HPN: variants seen among roughly 807,000 people sequenced by gnomAD.
HPN encodes hepsin.
In HPN, 13 loss-of-function variants were observed where a neutral mutation model predicts 55.9. The observed-to-expected ratio is 0.23, with a 90% CI of 0.15 to 0.37. HPN has a LOEUF of 0.37. HPN is among the 10% of genes least tolerant of loss of function. HPN has a pLI of 1.00. For synonymous variants in HPN, 225 were observed against 240.3 expected, an observed-to-expected ratio of 0.94 and a Z score of 0.59; for missense variants, 451 against 575.8, an observed-to-expected ratio of 0.78 and a Z score of 2.22.
Position 35,059,518 on chromosome 19 carries a change from C to T in HPN, c.161-155C>T, listed in dbSNP as rs1057209561. 7 of 915,500 alleles carry T rather than the reference C, an allele frequency of 7.6e-6. No homozygotes were observed. The African/African-American group carries it at 1.1e-4, about 15-fold the overall frequency. The allele number at this position is 915,500 out of a possible 1,614,324, so 56.7% of individuals were successfully genotyped here. ...AGTCCTTGAGTCATGATTCCAGATGCAATCGCAGATGTGGGGGCTGCAACC... is the reference window on the plus strand; with the variant it reads ...AGTCCTTGAGTCATGATTCCAGATGTAATCGCAGATGTGGGGGCTGCAACC... On this transcript the variant is annotated intron_variant, in intron 4 of 12. Coordinates refer to ENST00000672452, the MANE Select transcript of HPN (RefSeq NM_001384133.1).
chr19:35,049,404 C>T lies in HPN; in HGVS notation c.118+13C>T, dbSNP rs1359787656. 1.9e-6 allele frequency: 3 copies of T among 1,608,950 alleles called. No individual in the cohort carries two copies. Among genetic ancestry groups the T allele is most frequent in the Non-Finnish European group, 2.5e-6 (3 of 1,177,002 alleles). On this transcript the variant is annotated intron_variant, in intron 3 of 12. Coordinates refer to ENST00000672452, the MANE Select transcript of HPN (RefSeq NM_001384133.1). ...TCCTGGGCCATTGGTGAGAGCGGTT[C>T]CTGTGCCTCTGACCTCCCCTGGCCC...
intron 4 of HPN, among the ~76,000 whole-genome samples, chr19:35,052,589 T>TG (rs1415664181): frequency 1.3e-5 from 2 of 149,280 alleles, no homozygotes; most frequent in African/African-American, 5.0e-5. Flanking sequence ...GCCAGCACAG[T>TG]GGACATTGGC....
chr19:35,051,455 A>G (rs576399626), intron 4 of HPN, among the ~76,000 whole-genome samples: 2 of 152,290 alleles, frequency 1.3e-5, no homozygotes, highest in South Asian at 4.1e-4. Context: ...TACATTGCCC[A>G]GTCTGATCTT....
At chr19:35,046,134 T>C (rs1207141775) in intron 2 of HPN, among the ~76,000 whole-genome samples, 1 of 152,126 alleles carries the variant, frequency 6.6e-6, no homozygotes, top group Non-Finnish European at 1.5e-5. Context: ...TGAGAACCCC[T>C]CGCAGGACAG....
At position 35,065,566 on chromosome 19, in the gene HPN, C is replaced by T; in HGVS notation, c.935C>T (p.Ala312Val). The T allele has an allele frequency of 6.2e-7, 1 of 1,614,148 alleles. No homozygotes were observed. Among genetic ancestry groups the T allele is most frequent in the Non-Finnish European group, 8.5e-7 (1 of 1,180,030 alleles). ...YGQQAGVLQE[A>V]RVPIISNDVC... ...CAACAGGCCGGGGTACTCCAGGAGGCTCGAGTCCCCATAATCAGCAATGAT... is the reference window on the plus strand; with the variant it reads ...CAACAGGCCGGGGTACTCCAGGAGGTTCGAGTCCCCATAATCAGCAATGAT... Residue 312 changes from alanine to valine, a missense_variant, in exon 11 of 13, where the codon GCT (alanine) becomes GTT (valine). Physicochemically the swap from Ala to Val is moderately conservative, Grantham distance 64. Transcript: ENST00000672452.
chr19:35,055,377 G>C (rs1344253227), intron 4 of HPN, among the ~76,000 whole-genome samples: 1 of 147,060 alleles, frequency 6.8e-6, no homozygotes, highest in Admixed American at 7.0e-5. Context: ...AGCCTGGGTG[G>C]TGGAGCGAGA....
chr19:35,049,504 C>T lies in HPN; in HGVS notation c.148C>T (p.Pro50Ser), dbSNP rs1420654077. The change falls in exon 4 of 13, where the codon CCG becomes TCG. Residue 50 changes from proline to serine, a missense_variant. Coordinates refer to ENST00000672452, the MANE Select transcript of HPN (RefSeq NM_001384133.1). ...TGTTCTCCTCAGGAGTGACCAGGAG[C>T]CGCTGTACCCAGGTGAGTGGAGCAG... ...VAVLLRSDQE[P>S]LYPVQVSSAD... is the part of the protein sequence containing the mutation. 1.2e-6 allele frequency: 2 copies of T among 1,603,572 alleles called. No individual in the cohort carries two copies. The highest frequency in any genetic ancestry group is 1.7e-6 in the Non-Finnish European group (2 of 1,174,812).
Position 35,060,741 on chromosome 19 carries a change from C to G in HPN, c.735C>G (p.Pro245=), listed in dbSNP as rs781175775. 1.1e-5 allele frequency: 17 copies of G among 1,613,850 alleles called. No individual in the cohort carries two copies. The highest frequency in any genetic ancestry group is 1.7e-5 in the Admixed American group (1 of 59,972). The part of the protein sequence containing the change: ...QAVVYHGGYL[P]FRDPNSEENS... The stretch of plus-strand genomic sequence containing the variant: ...TGGTCTACCACGGGGGCTATCTTCC[C>G]TTTCGGGACCCCAACAGCGAGGAGA... The change falls in exon 9 of 13, where the codon CCC becomes CCG. Residue 245 remains proline (P), a synonymous_variant. Coordinates refer to ENST00000672452, the MANE Select transcript of HPN (RefSeq NM_001384133.1).
At chr19:35,055,908 G>T (rs1409086213) in intron 4 of HPN, among the ~76,000 whole-genome samples, 1 of 152,046 alleles carries the variant, frequency 6.6e-6, no homozygotes, top group Admixed American at 6.6e-5. Flanking sequence ...TCAGGTCAGG[G>T]CCCTCCCCTG....
intron 4 of HPN, among the ~76,000 whole-genome samples, chr19:35,051,942 C>G (rs941846926): frequency 3.3e-5 from 5 of 152,186 alleles, no homozygotes; most frequent in Admixed American, 2.6e-4. Context: ...GATAAAATCC[C>G]AACCCATCAC....
intron 11 of HPN, 92 bp downstream of exon 11, chr19:35,065,773 C>T (rs577568256): frequency 1.9e-6 from 3 of 1,596,368 alleles, no homozygotes; most frequent in East Asian, 4.5e-5. Flanking sequence ...CATCTAAAAG[C>T]CTGAGGGCTC....
intron 2 of HPN, among the ~76,000 whole-genome samples, chr19:35,047,551 T>A (rs2064353820): frequency 6.6e-6 from 1 of 152,116 alleles, no homozygotes; most frequent in Non-Finnish European, 1.5e-5. Context: ...TGTCTCCCAC[T>A]CCCCACCTAC....
chr19:35,041,892 G>A lies in HPN; in HGVS notation c.-55+20G>A, dbSNP rs1447439242. 7.5e-7 allele frequency: 1 copy of A among 1,331,240 alleles called. No homozygotes were observed. The highest frequency in any genetic ancestry group is 4.9e-5 in the East Asian group (1 of 20,386). The allele number at this position is 1,331,240 out of a possible 1,614,324, so 82.5% of individuals were successfully genotyped here. A position where few individuals can be genotyped will look rare whatever the true frequency, so the allele number is the denominator to read the frequency against. On this transcript the variant is annotated intron_variant, in intron 1 of 12. Coordinates refer to ENST00000672452, the MANE Select transcript of HPN (RefSeq NM_001384133.1). ...CCCAGGGTAAGGACAAGGGCCCCCA[G>A]ACTCACAGTTCCAGCCCTGAGGACA...
At chr19:35,065,807 C>T (rs1028746028) in intron 11 of HPN, 61 bp from the exon 12 acceptor site, 33 of 1,516,452 alleles carry the variant, frequency 2.2e-5, no homozygotes, top group African/African-American at 1.9e-4. Context: ...CATGTCATCC[C>T]GGGGTGGGCC....
intron 1 of HPN, 135 bp from the exon 2 acceptor site, chr19:35,042,318 G>A (rs753689964): frequency 2.0e-4 from 284 of 1,405,372 alleles, no homozygotes; most frequent in Non-Finnish European, 2.5e-4. Flanking sequence ...CCCAATCTGC[G>A]TCCGTGATCA....
chr19:35,042,539 G>C lies in HPN; in HGVS notation c.16+17G>C. On this transcript the variant is annotated intron_variant, in intron 2 of 12. Coordinates refer to ENST00000672452, the MANE Select transcript of HPN (RefSeq NM_001384133.1). ...AGAAGGAGGGTGAGTCCCCTTCCCT[G>C]AGCCCCAGCTTTGGCTCTGCCTGGC... The C allele has an allele frequency of 3.7e-6, 6 of 1,604,666 alleles. No individual in the cohort carries two copies. The highest frequency in any genetic ancestry group is 5.1e-6 in the Non-Finnish European group (6 of 1,174,918).
At chr19:35,056,684 C>G (rs2151762027) in intron 4 of HPN, among the ~76,000 whole-genome samples, 1 of 152,296 alleles carries the variant, frequency 6.6e-6, no homozygotes, top group African/African-American at 2.4e-5. Context: ...ATCTGTCTCC[C>G]TATCCCCTAT....
At chr19:35,055,239 A>T (rs112844295) in intron 4 of HPN, among the ~76,000 whole-genome samples, 1 of 152,090 alleles carries the variant, frequency 6.6e-6, no homozygotes, top group South Asian at 2.1e-4. Flanking sequence ...ACATAAAAAA[A>T]TAAACAAATT....
rs1290046647 is a variant in HPN at position 35,059,732 on chromosome 19, C to A, written c.220C>A (p.Arg74=). The A allele has an allele frequency of 2.5e-6, 4 of 1,596,236 alleles. No individual in the cohort carries two copies. The highest frequency in any genetic ancestry group is 2.6e-6 in the Non-Finnish European group (3 of 1,172,248). The change falls in exon 5 of 13, where the codon CGG becomes AGG. Residue 74 remains arginine (R), a synonymous_variant. Transcript: ENST00000672452. ...MVFDKTEGTW[R]LLCSSRSNAR... Reference sequence around the variant, plus strand: ...CTTTGACAAGACGGAAGGGACGTGGCGGCTGCTGTGCTCCTCGCGCTCCAA... The same window carrying A: ...CTTTGACAAGACGGAAGGGACGTGGAGGCTGCTGTGCTCCTCGCGCTCCAA...
Sources: allele counts gnomAD v4.1 joint callset (sites outside exome capture counted in the v4.1 genomes callset), GRCh38; gene constraint gnomAD v4.1.1; transcripts MANE v1.5; gene names NCBI Gene and HGNC (gene_info 2026-07-23, HGNC 2026-07-21).